Variants in RABGGTA observed in about 807,000 individuals in gnomAD.
RABGGTA encodes the protein Rab geranylgeranyltransferase subunit alpha.
RABGGTA carries 69 observed loss-of-function variants against 83.3 expected under a neutral mutation model. The ratio of observed to expected loss-of-function variants is 0.83; its 90% CI spans 0.68 to 1.01. The LOEUF is 1.01. Ranked by LOEUF, RABGGTA falls within the 50% of genes least tolerant of loss-of-function variation. The pLI is 0.00. For synonymous variants in RABGGTA, 310 were observed against 299.8 expected, an observed-to-expected ratio of 1.03 and a Z score of -0.35; for missense variants, 681 against 712.7, an observed-to-expected ratio of 0.96 and a Z score of 0.51.
intron 6 of RABGGTA, 81 bp from the exon 7 acceptor site, chr14:24,269,244 G>T: frequency 7.5e-7 from 1 of 1,338,098 alleles, no homozygotes; most frequent in Non-Finnish European, 1.0e-6. Flanking sequence ...CCCTCTCCTT[G>T]GAGTACTTCC....
chr14:24,268,959 C>A lies in RABGGTA; in HGVS notation c.750G>T (p.Val250=). Residue 250 remains valine (V), a synonymous_variant, in exon 8 of 17, where the codon GTG becomes GTT. Coordinates refer to ENST00000216840, the MANE Select transcript of RABGGTA (RefSeq NM_182836.3). The part of the protein sequence containing the change: ...DPQDALRCLH[V]SRDEACLTVS... ...CAGTCAGACAGGCCTCGTCCCGGCTCACATGCAGGCAGCGCAGTGCATCCT... is the reference window on the plus strand; with the variant it reads ...CAGTCAGACAGGCCTCGTCCCGGCTAACATGCAGGCAGCGCAGTGCATCCT... The A allele has an allele frequency of 6.3e-7, 1 of 1,587,952 alleles. No homozygotes were observed. Among genetic ancestry groups the A allele is most frequent in the Non-Finnish European group, 8.6e-7 (1 of 1,166,318 alleles).
intron 6 of RABGGTA, 157 bp downstream of exon 6, chr14:24,269,334 C>T (rs2040915036): frequency 2.8e-6 from 3 of 1,081,328 alleles, no homozygotes; most frequent in South Asian, 3.1e-5. Flanking sequence ...GACACTTAAG[C>T]TTCCTTCAGC....
At position 24,265,556 on chromosome 14, in the gene RABGGTA, C is replaced by G. The variant is rs78223023; in HGVS notation, c.*59G>C. 5 of 1,568,470 alleles carry G rather than the reference C, an allele frequency of 3.2e-6. No individual in the cohort carries two copies. Among genetic ancestry groups the G allele is most frequent in the African/African-American group, 1.4e-5 (1 of 73,832 alleles). On this transcript the variant is annotated 3_prime_UTR_variant, in exon 17 of 17. Coordinates refer to ENST00000216840, the MANE Select transcript of RABGGTA (RefSeq NM_182836.3). ...CAACAGCTTGGTAGCCTGAGAGGGC[C>G]TCTCCATTCTTTATTCAGTCCCAAT...
rs2040955334 is a variant in RABGGTA, at chr14:24,271,558, G to T, written c.-126C>A. 1 of 160,528 alleles carries T rather than the reference G, an allele frequency of 6.2e-6. No individual in the cohort carries two copies. The highest frequency in any genetic ancestry group is 6.5e-5 in the Admixed American group (1 of 15,500). 9.9% of individuals were successfully genotyped at this position (160,528 alleles called of 1,614,324 possible). On this transcript the variant is annotated 5_prime_UTR_variant, in exon 1 of 17. Coordinates refer to ENST00000216840, the MANE Select transcript of RABGGTA (RefSeq NM_182836.3). ...ACAGAGCCCAGGCGCTGGCTAGAGC[G>T]GCGCCACGTCCCGGCTCATCGAAAC...
intron 9 of RABGGTA, 44 bp from the exon 10 acceptor site, chr14:24,268,663 T>C (rs746563340): frequency 1.2e-6 from 2 of 1,611,624 alleles, no homozygotes; most frequent in Admixed American, 3.3e-5. Context: ...TAACCACTTT[T>C]TTGACTGTCC....
rs745568957 is a variant in RABGGTA, at chr14:24,268,549, G to A, written c.971C>T (p.Ala324Val). Residue 324 changes from alanine to valine, a missense_variant, in exon 10 of 17, where the codon GCA becomes GTA. By Grantham distance (64) the Ala-to-Val change is moderately conservative. Transcript: ENST00000216840. ...PQHTFRVIWT[A>V]GDVQKECVLL... ...CACGCATTCTTTCTGGACATCGCCTGCTGTCCAAATGACGCGAAATGTATG... is the reference window on the plus strand; with the variant it reads ...CACGCATTCTTTCTGGACATCGCCTACTGTCCAAATGACGCGAAATGTATG... The A allele has an allele frequency of 6.2e-7, 1 of 1,614,050 alleles. No individual in the cohort carries two copies. The highest frequency in any genetic ancestry group is 8.5e-7 in the Non-Finnish European group (1 of 1,179,890).
rs899160216 is a variant in RABGGTA, at chr14:24,265,962, C to G, written c.1556-199G>C. ...GCCAGGAAAGAATGAGCCGCAACAC[C>G]CCACGCAAGCTGGTGTAGTATCAGG... On this transcript the variant is annotated intron_variant, in intron 16 of 16. Transcript: ENST00000216840. 5.9e-5 allele frequency among the ~76,000 whole-genome samples: 9 copies of G among 152,196 alleles called. No individual in the cohort carries two copies. The South Asian group carries it at 1.9e-3, about 32-fold the overall frequency.
chr14:24,267,338 T>C (rs1308481697), intron 14 of RABGGTA, among the ~76,000 whole-genome samples: 1 of 152,160 alleles, frequency 6.6e-6, no homozygotes. Context: ...CTTCAGGTAT[T>C]GGAGGTTGCT....
In RABGGTA at chr14:24,269,645, G is replaced by T. The variant is rs905004744; in HGVS notation, c.477C>A (p.Pro159=). Residue 159 remains proline (P), a synonymous_variant, in exon 6 of 17, where the codon CCC becomes CCA. Transcript: ENST00000216840. ...CAGTGAAGGCTAGCTCTTCTGCAGG[G>T]GGCACGGCTGCCTGTGTGGCCACAA... ...RRFVATQAAV[P]PAEELAFTDS... 6.2e-7 allele frequency: 1 copy of T among 1,613,960 alleles called. No homozygotes were observed. Among genetic ancestry groups the T allele is most frequent in the Non-Finnish European group, 8.5e-7 (1 of 1,179,874 alleles).
intron 10 of RABGGTA, 42 bp downstream of exon 10, chr14:24,268,472 A>G (rs1241404600): frequency 6.2e-7 from 1 of 1,613,626 alleles, no homozygotes; most frequent in Non-Finnish European, 8.5e-7. Context: ...GAAAAGAGTG[A>G]TGGGGGCTGC....
rs1389945412 is a variant in RABGGTA at position 24,268,407 on chromosome 14, G to C, written c.1020C>G (p.Gly340=). 2 of 1,613,470 alleles carry C rather than the reference G, an allele frequency of 1.2e-6. No homozygotes were observed. Among genetic ancestry groups the C allele is most frequent in the Non-Finnish European group, 1.7e-6 (2 of 1,179,910 alleles). Residue 340 remains glycine, a synonymous_variant, in exon 11 of 17, where the codon GGC becomes GGG. Transcript: ENST00000216840. ...CGTCTGTCGTGGAGTCCCGGCACCA[G>C]CCCTCCTGGCGGCCTGGGGAAAGAG... The part of the protein sequence containing the change: ...ECVLLKGRQE[G]WCRDSTTDEQ...
At chr14:24,268,656 C>A in intron 9 of RABGGTA, 37 bp from the exon 10 acceptor site, 4 of 1,611,892 alleles carry the variant, frequency 2.5e-6, no homozygotes, top group Non-Finnish European at 3.4e-6. Context: ...CCCAGCCTAA[C>A]CACTTTTTTG....
At chr14:24,266,198 C>T (rs1337906968) in intron 16 of RABGGTA, among the ~76,000 whole-genome samples, 3 of 152,218 alleles carry the variant, frequency 2.0e-5, no homozygotes, top group South Asian at 2.1e-4. Context: ...AGAACAGCTG[C>T]GGGCTGCCCA....
At position 24,267,737 on chromosome 14, in the gene RABGGTA, GCAGGTCATC is replaced by G. The variant is rs1566385946; in HGVS notation, c.1267_1275del (p.Asp423_Leu425del). The stretch of plus-strand genomic sequence containing the variant: ...CTATTCTCCAGCAAGAACTTGCTGC[GCAGGTCATC>G]CAGATACGTTGCCCGCATGGGGTCC... On this transcript the variant is annotated inframe_deletion, in exon 14 of 17. Coordinates refer to ENST00000216840, the MANE Select transcript of RABGGTA (RefSeq NM_182836.3). 6.2e-7 allele frequency: 1 copy of G among 1,612,048 alleles called. No individual in the cohort carries two copies.
rs1261983786 is a variant in RABGGTA at position 24,270,986 on chromosome 14, T to C, written c.4-39A>G. On this transcript the variant is annotated intron_variant, in intron 2 of 16. Coordinates refer to ENST00000216840, the MANE Select transcript of RABGGTA (RefSeq NM_182836.3). Reference sequence around the variant, plus strand: ...CGGGTTGGAAGAGTGCAGGTTGCCTTGCAGAAGCTGACCTGCAAAAACCCC... The same window carrying C: ...CGGGTTGGAAGAGTGCAGGTTGCCTCGCAGAAGCTGACCTGCAAAAACCCC... The C allele has an allele frequency of 1.1e-5, 18 of 1,607,180 alleles. No homozygotes were observed. In the Admixed American group the frequency reaches 3.1e-4, roughly 27 times the overall value.
Position 24,270,241 on chromosome 14 carries a change from C to G in RABGGTA, c.239+93G>C, listed in dbSNP as rs922483372. On this transcript the variant is annotated intron_variant, in intron 4 of 16. Transcript: ENST00000216840. Reference sequence around the variant, plus strand: ...AGCCCCCTACTATCCTCCATCTATGCCACTGGCTGCCCCATTTCTCCTCCA... The same window carrying G: ...AGCCCCCTACTATCCTCCATCTATGGCACTGGCTGCCCCATTTCTCCTCCA... 2.9e-5 allele frequency: 45 copies of G among 1,565,826 alleles called. No individual in the cohort carries two copies. In the African/African-American group the frequency reaches 5.7e-4, roughly 20 times the overall value.
At chr14:24,266,951 G>A (rs941503) in intron 14 of RABGGTA, 62 bp from the exon 15 acceptor site, 538,786 of 1,270,674 alleles carry the variant, frequency 0.42, 121,175 homozygotes, top group African/African-American at 0.72. Context: ...GAGGGTCCTC[G>A]GCCAGCATTT....
At chr14:24,268,074 G>T (rs370695817) in intron 12 of RABGGTA, 36 bp downstream of exon 12, 5 of 1,610,528 alleles carry the variant, frequency 3.1e-6, no homozygotes, top group Non-Finnish European at 4.2e-6. Flanking sequence ...TCCTCAGCGG[G>T]CTCTGGGAGC....
At chr14:24,269,720 C>G in intron 5 of RABGGTA, 26 bp from the exon 6 acceptor site, 8 of 1,609,978 alleles carry the variant, frequency 5.0e-6, no homozygotes, top group Non-Finnish European at 6.8e-6. Flanking sequence ...GACAGCATAT[C>G]TTAGAGGCAG....
Sources: allele counts gnomAD v4.1 joint callset (sites outside exome capture counted in the v4.1 genomes callset), GRCh38; gene constraint gnomAD v4.1.1; transcripts MANE v1.5; gene names NCBI Gene and HGNC (gene_info 2026-07-23, HGNC 2026-07-21).